Variants in ADGRL3 observed in about 807,000 individuals in gnomAD.
ADGRL3 encodes calcium-independent alpha-latrotoxin receptor 3.
A neutral mutation model predicts 153.5 loss-of-function variants in ADGRL3; 62 were observed. The ratio of observed to expected loss-of-function variants is 0.40; its 90% CI spans 0.33 to 0.50. The LOEUF (loss-of-function observed/expected upper bound fraction) is 0.50. Ranked by LOEUF, ADGRL3 falls within the 20% of genes least tolerant of loss-of-function variation. The pLI, the probability that ADGRL3 is intolerant of heterozygous loss-of-function variation, is 0.47. For missense variants in ADGRL3, 1,641 were observed against 1,859.4 expected (o/e 0.88, Z 2.16); for synonymous variants, 710 against 672.5 (o/e 1.06, Z -0.86).
chr4:61,288,126 T>G (rs2094016132), intron 1 of ADGRL3, among the ~76,000 whole-genome samples: 1 of 151,910 alleles, frequency 6.6e-6, no homozygotes, highest in South Asian at 2.1e-4. Context: ...AGAGGGGCAT[T>G]TTCACTGAGA....
intron 5 of ADGRL3, among the ~76,000 whole-genome samples, chr4:61,592,305 T>C (rs1326550433): frequency 1.3e-5 from 2 of 152,136 alleles, no homozygotes; most frequent in Admixed American, 1.3e-4. Flanking sequence ...ATAACTGCAT[T>C]TATATACATG....
chr4:61,265,899 C>T (rs1483102639), intron 1 of ADGRL3, among the ~76,000 whole-genome samples: 2 of 151,776 alleles, frequency 1.3e-5, no homozygotes, highest in African/African-American at 2.4e-5. Flanking sequence ...CTGTTCCTTG[C>T]AAAACCACAT....
intron 4 of ADGRL3, among the ~76,000 whole-genome samples, chr4:61,519,433 T>C (rs967551347): frequency 3.4e-4 from 52 of 152,178 alleles, no homozygotes; most frequent in African/African-American, 1.2e-3. Flanking sequence ...GAGACTGAGG[T>C]AAACGTCTTG....
intron 5 of ADGRL3, among the ~76,000 whole-genome samples, chr4:61,615,200 C>T (rs1476529930): frequency 2.0e-5 from 3 of 151,994 alleles, no homozygotes; most frequent in Non-Finnish European, 4.4e-5. Context: ...AAGAAATCCA[C>T]CATTTTGAGA....
chr4:61,277,807 T>C (rs2093540779), intron 1 of ADGRL3, among the ~76,000 whole-genome samples: 1 of 152,194 alleles, frequency 6.6e-6, no homozygotes. Context: ...TATTTTAAGC[T>C]CTATTGCTTA....
At chr4:61,599,497 T>A (rs2099002182) in intron 5 of ADGRL3, among the ~76,000 whole-genome samples, 1 of 152,100 alleles carries the variant, frequency 6.6e-6, no homozygotes, top group African/African-American at 2.4e-5. Context: ...CACGCCTGGC[T>A]AAGTTTTGTA....
chr4:61,946,881 G>T, intron 15 of ADGRL3, 33 bp from the exon 16 acceptor site: 1 of 1,509,916 alleles, frequency 6.6e-7, no homozygotes, highest in Non-Finnish European at 9.2e-7. Flanking sequence ...TAAGTAGAGT[G>T]GACAAACTAA....
At chr4:61,884,725 A>G (rs974019100) in intron 9 of ADGRL3, among the ~76,000 whole-genome samples, 6 of 151,828 alleles carry the variant, frequency 4.0e-5, no homozygotes, top group African/African-American at 1.4e-4. Context: ...GCGGGGTTCA[A>G]GCAATTCTCC....
At chr4:61,389,287 T>G (rs2151984979) in intron 2 of ADGRL3, among the ~76,000 whole-genome samples, 1 of 152,342 alleles carries the variant, frequency 6.6e-6, no homozygotes, top group South Asian at 2.1e-4. Flanking sequence ...TCTTAGTGAC[T>G]GATTGCATTT....
Position 61,272,917 on chromosome 4 carries a change from G to A in ADGRL3, c.-240+71152G>A, listed in dbSNP as rs113815467. ...TGTGTGGTATTCTGGAGAGGTGTAG[G>A]ACATTGTAATGTGGATCCTAGACTC... On this transcript the variant is annotated intron_variant, in intron 1 of 26. Transcript: ENST00000683033. 3.5e-3 allele frequency among the ~76,000 whole-genome samples: 525 copies of A among 152,172 alleles called. 5 individuals carry two copies. Among genetic ancestry groups the A allele is most frequent in the African/African-American group, 0.012 (508 of 41,528 alleles).
chr4:62,044,610 T>C, intron 25 of ADGRL3, 61 bp downstream of exon 25: 1 of 1,127,854 alleles, frequency 8.9e-7, no homozygotes, highest in Non-Finnish European at 1.3e-6. Flanking sequence ...AGTCCTTAAA[T>C]TCATTGCTTT....
intron 10 of ADGRL3, among the ~76,000 whole-genome samples, chr4:61,894,312 G>T (rs1474359197): frequency 6.6e-6 from 1 of 152,204 alleles, no homozygotes; most frequent in East Asian, 1.9e-4. Flanking sequence ...ATATTCCATG[G>T]TATAGGAAAT....
intron 3 of ADGRL3, among the ~76,000 whole-genome samples, chr4:61,499,555 T>G (rs905721626): frequency 6.6e-6 from 1 of 152,274 alleles, no homozygotes; most frequent in Non-Finnish European, 1.5e-5. Context: ...ATAAATAGCA[T>G]ATGTAAATAA....
At chr4:61,339,649 A>G (rs2095762122) in intron 1 of ADGRL3, among the ~76,000 whole-genome samples, 1 of 152,144 alleles carries the variant, frequency 6.6e-6, no homozygotes, top group Admixed American at 6.5e-5. Context: ...AATGTGAACT[A>G]TTTTTCATAT....
intron 4 of ADGRL3, among the ~76,000 whole-genome samples, chr4:61,520,682 G>GTGTGTGTGTGTGTGTGTGTCTGTC (rs763505931): frequency 1.1e-4 from 14 of 123,468 alleles, no homozygotes; most frequent in East Asian, 5.3e-4. Context: ...GTGTGTGTGT[G>GTGTGTGTGTGTGTGTGTGTCTGTC]TGTCTGTCTG....
chr4:61,302,679 T>C (rs1430081624), intron 1 of ADGRL3, among the ~76,000 whole-genome samples: 1 of 152,132 alleles, frequency 6.6e-6, no homozygotes, highest in Non-Finnish European at 1.5e-5. Context: ...AACAAAATTC[T>C]AACTCATTAT....
intron 3 of ADGRL3, among the ~76,000 whole-genome samples, chr4:61,501,070 G>A (rs539928705): frequency 1.3e-5 from 2 of 152,190 alleles, no homozygotes; most frequent in Admixed American, 1.3e-4. Context: ...GGGACAGACA[G>A]ACTGTGGTTC....
intron 19 of ADGRL3, among the ~76,000 whole-genome samples, chr4:61,994,916 CTT>C (rs769150522): frequency 2.9e-4 from 41 of 140,200 alleles, no homozygotes; most frequent in Admixed American, 5.0e-4. Flanking sequence ...CTTTGGTTTT[CTT>C]TTTTTTTTTT....
At chr4:61,376,108 A>T (rs945082783) in intron 1 of ADGRL3, among the ~76,000 whole-genome samples, 4 of 152,160 alleles carry the variant, frequency 2.6e-5, no homozygotes, top group African/African-American at 9.7e-5. Context: ...GCAAACTTCC[A>T]ATTGTTTTGA....
Sources: gnomAD v4.1 joint callset for allele counts (sites outside exome capture counted in the v4.1 genomes callset) on GRCh38, gnomAD v4.1.1 for gene constraint, MANE v1.5 for transcripts, NCBI Gene and HGNC (gene_info 2026-07-23, HGNC 2026-07-21) for gene names.